The following HDAC9 variants were observed in gnomAD, a reference collection of about 807,000 sequenced individuals.
HDAC9 encodes the protein histone deacetylase 9.
Under a neutral mutation model 139.4 loss-of-function variants are expected in HDAC9, and 41 were observed. The observed-to-expected ratio is 0.29, with a 90% CI of 0.23 to 0.38. The LOEUF (loss-of-function observed/expected upper bound fraction) is 0.38. Ranked by LOEUF, HDAC9 falls within the 10% of genes least tolerant of loss-of-function variation. The pLI is 1.00. For missense variants in HDAC9, 1,147 were observed against 1,297.0 expected, an observed-to-expected ratio of 0.88 and a Z score of 1.78; for synonymous variants, 517 against 476.2, an observed-to-expected ratio of 1.09 and a Z score of -1.12.
chr7:18,737,433 G>A (rs1787028066), intron 13 of HDAC9, among the ~76,000 whole-genome samples: 1 of 152,140 alleles, frequency 6.6e-6, no homozygotes, highest in African/African-American at 2.4e-5. Context: ...GGTAAGTGGT[G>A]TCTTTGTTCT....
intron 1 of HDAC9, among the ~76,000 whole-genome samples, chr7:18,330,314 C>T (rs927525254): frequency 6.6e-5 from 10 of 151,418 alleles, no homozygotes; most frequent in African/African-American, 2.4e-4. Context: ...TGCCGGAAAT[C>T]TGAAACTTGT....
intron 2 of HDAC9, among the ~76,000 whole-genome samples, chr7:18,285,115 C>A (rs1056995140): frequency 6.6e-6 from 1 of 152,034 alleles, no homozygotes; most frequent in Admixed American, 6.6e-5. Context: ...CTGGGCTTTT[C>A]TTTTGGTGTT....
intron 1 of HDAC9, among the ~76,000 whole-genome samples, chr7:18,095,903 A>T (rs1782472073): frequency 6.6e-6 from 1 of 152,186 alleles, no homozygotes; most frequent in Non-Finnish European, 1.5e-5. Flanking sequence ...TCTATGTTTT[A>T]TATCAATATA....
At chr7:18,624,483 G>C (rs878873150) in intron 6 of HDAC9, among the ~76,000 whole-genome samples, 4 of 152,114 alleles carry the variant, frequency 2.6e-5, no homozygotes, top group Non-Finnish European at 4.4e-5. Context: ...CTTGCCTTCT[G>C]TTTCTATGAT....
chr7:18,476,424 C>T (rs1205253856), intron 1 of HDAC9, among the ~76,000 whole-genome samples: 1 of 151,838 alleles, frequency 6.6e-6, no homozygotes, highest in Non-Finnish European at 1.5e-5. Flanking sequence ...AATATTGACT[C>T]AAACCCATAC....
At chr7:18,298,792 T>C (rs1377784675) in intron 1 of HDAC9, among the ~76,000 whole-genome samples, 1 of 152,180 alleles carries the variant, frequency 6.6e-6, no homozygotes, top group East Asian at 1.9e-4. Context: ...ATATCCCATA[T>C]AAAAAGTTAT....
intron 2 of HDAC9, chr7:18,162,419 C>T: frequency 7.3e-7 from 1 of 1,367,828 alleles, no homozygotes. Flanking sequence ...TTGTTTCAAA[C>T]CAAGTAATTT....
chr7:18,661,096 G>C (rs1338999121), intron 11 of HDAC9, among the ~76,000 whole-genome samples: 1 of 152,138 alleles, frequency 6.6e-6, no homozygotes, highest in Non-Finnish European at 1.5e-5. Flanking sequence ...GAAAATGATA[G>C]TATTTAGGAG....
Position 18,829,329 on chromosome 7 carries a change from C to A in HDAC9, c.2378+113C>A, listed in dbSNP as rs756062510. The A allele has an allele frequency of 1.3e-5, 15 of 1,127,828 alleles. No individual in the cohort carries two copies. The African/African-American group carries it at 2.0e-4, about 15-fold the overall frequency. 69.9% of individuals were successfully genotyped at this position (1,127,828 alleles called of 1,614,324 possible). On this transcript the variant is annotated intron_variant, in intron 18 of 25. Transcript: ENST00000686413. ...TTAGCAGATGGACTGAAAAATCTTG[C>A]GAGGTACTCCCAGAAGCAGATTTAT...
chr7:18,849,777 C>T (rs190167438), intron 21 of HDAC9, among the ~76,000 whole-genome samples: 1 of 151,852 alleles, frequency 6.6e-6, no homozygotes, highest in African/African-American at 2.4e-5. Flanking sequence ...GAAAGCACAC[C>T]CCGAAATAAG....
chr7:18,770,348 G>A (rs1790181790), intron 16 of HDAC9, among the ~76,000 whole-genome samples: 1 of 152,082 alleles, frequency 6.6e-6, no homozygotes, highest in Non-Finnish European at 1.5e-5. Flanking sequence ...CCCAGGACTT[G>A]GTCATGGTGT....
intron 1 of HDAC9, among the ~76,000 whole-genome samples, chr7:18,421,503 G>A (rs1201575110): frequency 2.0e-5 from 3 of 151,880 alleles, no homozygotes; most frequent in African/African-American, 7.2e-5. Context: ...AAAGGAAAAG[G>A]AAGAAAAGAA....
Position 18,262,023 on chromosome 7 carries a change from C to T in HDAC9, c.25+99674C>T, listed in dbSNP as rs954050014. ...ATATATCAAATCCCCTGATGTACAC[C>T]TCTTACTCAGGTATTATTGTAAAAA... On this transcript the variant is annotated intron_variant, in intron 2 of 12. Coordinates refer to the HDAC9 transcript ENST00000417496. Among the ~76,000 whole-genome samples, 3 of 152,188 alleles carry T rather than the reference C, an allele frequency of 2.0e-5. No individual in the cohort carries two copies. The East Asian group carries it at 5.8e-4, about 29-fold the overall frequency.
chr7:18,279,688 A>T (rs1464580909), intron 2 of HDAC9, among the ~76,000 whole-genome samples: 1 of 151,330 alleles, frequency 6.6e-6, no homozygotes, highest in Non-Finnish European at 1.5e-5. Context: ...CTGGTCTTAA[A>T]CTCCTGACCT....
At chr7:18,989,473 G>A (rs1241432160) in intron 25 of HDAC9, among the ~76,000 whole-genome samples, 2 of 150,610 alleles carry the variant, frequency 1.3e-5, no homozygotes, top group Non-Finnish European at 3.0e-5. Context: ...CTTTCTCTCT[G>A]GCTGCCCTTA....
At chr7:18,916,467 T>A (rs1803220193) in intron 22 of HDAC9, among the ~76,000 whole-genome samples, 1 of 151,986 alleles carries the variant, frequency 6.6e-6, no homozygotes, top group African/African-American at 2.4e-5. Context: ...TGAATTCTGT[T>A]ATGTGGCTAA....
Position 18,874,561 on chromosome 7 carries a change from C to G in HDAC9, c.2768C>G (p.Thr923Ser), listed in dbSNP as rs748435062. ...GGATTTGATGCATTGGAAGGCCACA[C>G]CCCTCCTCTAGGAGGGTACAAAGTG... ...SAGFDALEGHTPPLGGYKVTA... is the reference protein window; with the variant it reads ...SAGFDALEGHSPPLGGYKVTA... Residue 923 changes from threonine to serine, a missense_variant, in exon 22 of 26, where the codon ACC becomes AGC. This residue lies in a region of HDAC9 where 407 missense variants were observed against 521.5 expected (regional missense o/e 0.78). Coordinates refer to ENST00000686413, the MANE Select transcript of HDAC9 (RefSeq NM_178425.4). The G allele has an allele frequency of 6.3e-7, 1 of 1,593,388 alleles. No homozygotes were observed. Among genetic ancestry groups the G allele is most frequent in the Non-Finnish European group, 8.6e-7 (1 of 1,168,696 alleles).
At chr7:18,506,568 A>T (rs553549252) in intron 2 of HDAC9, among the ~76,000 whole-genome samples, 2 of 147,186 alleles carry the variant, frequency 1.4e-5, no homozygotes, top group South Asian at 4.3e-4. Context: ...CAATTTCTCA[A>T]TTTTTTTTTT....
rs536648043 is a variant in HDAC9, at chr7:18,294,348, A to C, written c.-42+3833A>C. Among the ~76,000 whole-genome samples, 72 of 152,176 alleles carry C rather than the reference A, an allele frequency of 4.7e-4. 1 individual carries two copies. In the South Asian group the frequency reaches 8.5e-3, roughly 18 times the overall value. The stretch of plus-strand genomic sequence containing the variant: ...TTATTCCGTGGTTTCTTCACCTGTA[A>C]AATGATACTGAGCTGCTAGGGGTGT... On this transcript the variant is annotated intron_variant, in intron 1 of 3. Transcript: ENST00000413509.
Sources: gnomAD v4.1 joint callset for allele counts (sites outside exome capture counted in the v4.1 genomes callset) on GRCh38, gnomAD v4.1.1 for gene constraint, gnomAD v4.1.1 regional missense constraint, MANE v1.5 for transcripts, NCBI Gene and HGNC (gene_info 2026-07-23, HGNC 2026-07-21) for gene names.